LRP1B: variants seen among roughly 807,000 people sequenced by gnomAD.
LRP1B encodes the protein low-density lipoprotein receptor-related protein 1B.
In LRP1B, 217 loss-of-function variants were observed where a neutral mutation model predicts 556.6. That is an observed-to-expected ratio of 0.39 (90% confidence interval 0.35 to 0.44). The LOEUF (loss-of-function observed/expected upper bound fraction) is 0.44, where lower values mean the gene tolerates loss of function less well. Among genes scored for constraint, LRP1B ranks in the 20% least tolerant of loss-of-function variants. The pLI, the probability that LRP1B is intolerant of heterozygous loss-of-function variation, is 1.00. For synonymous variants in LRP1B, 2,047 were observed against 1,865.8 expected (o/e 1.10, Z -2.50); for missense variants, 5,053 against 5,620.8 (o/e 0.90, Z 3.23).
chr2:140,419,011 T>C (rs1185694985), intron 66 of LRP1B, among the ~76,000 whole-genome samples: 2 of 146,176 alleles, frequency 1.4e-5, no homozygotes, highest in African/African-American at 2.5e-5. Context: ...ATGGACTAAA[T>C]AAATATAAAA....
intron 2 of LRP1B, among the ~76,000 whole-genome samples, chr2:141,758,058 T>C (rs1574327717): frequency 6.6e-6 from 1 of 152,328 alleles, no homozygotes; most frequent in Admixed American, 6.5e-5. Context: ...TTACAAATTA[T>C]GCAAATTCGA....
At chr2:141,677,930 G>T (rs1316745833) in intron 2 of LRP1B, among the ~76,000 whole-genome samples, 1 of 152,186 alleles carries the variant, frequency 6.6e-6, no homozygotes, top group Non-Finnish European at 1.5e-5. Context: ...AATGCAAGAG[G>T]TTTGAGTAGA....
chr2:142,122,977 C>A (rs1003939620), intron 1 of LRP1B, among the ~76,000 whole-genome samples: 1 of 152,000 alleles, frequency 6.6e-6, no homozygotes, highest in African/African-American at 2.4e-5. Flanking sequence ...TTCTAATTAG[C>A]TCAGCTACTT....
At chr2:140,555,953 T>G (rs1680716855) in intron 43 of LRP1B, among the ~76,000 whole-genome samples, 1 of 152,092 alleles carries the variant, frequency 6.6e-6, no homozygotes, top group African/African-American at 2.4e-5. Flanking sequence ...ATATGGACAT[T>G]GGCTGGCCCG....
intron 7 of LRP1B, among the ~76,000 whole-genome samples, chr2:141,156,456 A>G (rs964852503): frequency 1.6e-4 from 25 of 152,004 alleles, no homozygotes; most frequent in East Asian, 1.9e-4. Flanking sequence ...GTGAAAACCC[A>G]TCTCTACAAA....
At chr2:141,035,984 A>G (rs1698521980) in intron 11 of LRP1B, among the ~76,000 whole-genome samples, 1 of 152,156 alleles carries the variant, frequency 6.6e-6, no homozygotes, top group South Asian at 2.1e-4. Context: ...GCACTCATGA[A>G]CTATAAACAT....
At chr2:141,224,935 A>G (rs1370566699) in intron 6 of LRP1B, among the ~76,000 whole-genome samples, 1 of 152,166 alleles carries the variant, frequency 6.6e-6, no homozygotes, top group Non-Finnish European at 1.5e-5. Flanking sequence ...TTCCTATGTA[A>G]CAAACCTGCA....
chr2:141,155,335 T>C (rs1278612688), intron 7 of LRP1B, among the ~76,000 whole-genome samples: 1 of 151,926 alleles, frequency 6.6e-6, no homozygotes, highest in Non-Finnish European at 1.5e-5. Context: ...TTTATATTTA[T>C]ATATGGTTTT....
At chr2:141,124,374 TAAG>T (rs1319059004) in intron 7 of LRP1B, among the ~76,000 whole-genome samples, 2 of 152,194 alleles carry the variant, frequency 1.3e-5, no homozygotes, top group African/African-American at 4.8e-5. Context: ...AGAATGCTTT[TAAG>T]AAGCTCAAAA....
chr2:140,506,436 G>T (rs1406621467), intron 53 of LRP1B, among the ~76,000 whole-genome samples: 1 of 151,894 alleles, frequency 6.6e-6, no homozygotes. Flanking sequence ...TAGAGATGGG[G>T]TTTCCCCATG....
rs1553495661 is a variant in LRP1B, at chr2:140,600,769, T to TTTTC, written c.6989+680_6989+681insGAAA. Among the ~76,000 whole-genome samples the TTTTC allele has an allele frequency of 1.2e-4, 9 of 77,100 alleles. No individual in the cohort carries two copies. In the East Asian group the frequency reaches 2.7e-3, roughly 23 times the overall value. The allele number at this position is 77,100 out of a possible 152,430, so 50.6% of individuals were successfully genotyped here. A position where few individuals can be genotyped will look rare whatever the true frequency, so the allele number is the denominator to read the frequency against. On this transcript the variant is annotated intron_variant, in intron 42 of 90. Transcript: ENST00000389484. ...TTACCTGTGCTTTGTTCTTCGGGGT[T>TTTTC]TTTTTTTTTTTTTTTTTTTTTTTTA...
chr2:140,238,543 T>G (rs1008515333), intron 88 of LRP1B, among the ~76,000 whole-genome samples: 4 of 150,894 alleles, frequency 2.7e-5, no homozygotes, highest in African/African-American at 4.8e-5. Context: ...AAATTGAATA[T>G]TTACCAATCT....
At chr2:140,798,255 C>A (rs989732632) in intron 32 of LRP1B, among the ~76,000 whole-genome samples, 7 of 151,846 alleles carry the variant, frequency 4.6e-5, no homozygotes, top group African/African-American at 7.2e-5. Context: ...AATCAGTAAA[C>A]AAATCAAAAT....
intron 85 of LRP1B, among the ~76,000 whole-genome samples, chr2:140,273,070 A>G (rs1008609587): frequency 2.6e-5 from 4 of 151,914 alleles, no homozygotes; most frequent in African/African-American, 9.7e-5. Flanking sequence ...GAGGGTCTGC[A>G]TCTCCACATG....
chr2:140,609,627 C>A (rs1013224262), intron 41 of LRP1B, among the ~76,000 whole-genome samples: 8 of 152,182 alleles, frequency 5.3e-5, no homozygotes, highest in African/African-American at 1.9e-4. Context: ...GTTACTCAGA[C>A]TGGAAGCCTA....
intron 35 of LRP1B, among the ~76,000 whole-genome samples, chr2:140,743,534 C>T (rs1268746733): frequency 1.3e-5 from 2 of 152,094 alleles, no homozygotes. Flanking sequence ...ATCTGTAAAA[C>T]AGGAATAATA....
chr2:141,660,119 A>G (rs952884204), intron 2 of LRP1B, among the ~76,000 whole-genome samples: 1 of 151,902 alleles, frequency 6.6e-6, no homozygotes, highest in Non-Finnish European at 1.5e-5. Context: ...TACACCAGCA[A>G]CTGAGGTATC....
chr2:141,619,760 A>T (rs80226787), intron 2 of LRP1B, among the ~76,000 whole-genome samples: 1 of 152,094 alleles, frequency 6.6e-6, no homozygotes, highest in Admixed American at 6.5e-5. Flanking sequence ...CTTTTGAGAC[A>T]TGAGATGAAA....
intron 1 of LRP1B, among the ~76,000 whole-genome samples, chr2:142,009,776 A>G (rs1280680171): frequency 6.6e-6 from 1 of 152,118 alleles, no homozygotes; most frequent in East Asian, 1.9e-4. Context: ...TATTGTTTAT[A>G]TACATGTATA....
Sources: allele counts gnomAD v4.1 joint callset (sites outside exome capture counted in the v4.1 genomes callset), GRCh38; gene constraint gnomAD v4.1.1; transcripts MANE v1.5; gene names NCBI Gene and HGNC (gene_info 2026-07-23, HGNC 2026-07-21).